Variants in PDK1 observed in about 807,000 individuals in gnomAD.
PDK1 encodes the protein [Pyruvate dehydrogenase (acetyl-transferring)] kinase isozyme 1, mitochondrial.
In PDK1, 39 loss-of-function variants were observed where a neutral mutation model predicts 54.2. The observed-to-expected ratio is 0.72, with a 90% confidence interval of 0.56 to 0.94. The LOEUF is 0.94. Among genes scored for constraint, PDK1 ranks in the 40% least tolerant of loss-of-function variants. The probability of loss-of-function intolerance (pLI) is 0.00; values close to 1 mark genes in which losing one functional copy is unlikely to be tolerated. For missense variants in PDK1, 552 were observed against 566.0 expected (o/e 0.98, Z 0.25); for synonymous variants, 221 against 207.1 (o/e 1.07, Z -0.58).
chr2:172,593,336 C>T (rs1023009259), intron 10 of PDK1, among the ~76,000 whole-genome samples: 1 of 151,962 alleles, frequency 6.6e-6, no homozygotes, highest in African/African-American at 2.4e-5. Flanking sequence ...ACATAAAACA[C>T]ATGAATGGAC....
the PDK1 span, among the ~76,000 whole-genome samples, chr2:172,715,110 T>C: frequency 1.3e-5 from 2 of 152,218 alleles, no homozygotes; most frequent in East Asian, 1.9e-4. Flanking sequence ...CAGGAATAAC[T>C]GGGGGAATTT....
the PDK1 span, among the ~76,000 whole-genome samples, chr2:172,649,286 G>A: frequency 1.3e-5 from 2 of 152,242 alleles, no homozygotes; most frequent in East Asian, 1.9e-4. Flanking sequence ...CTGTTAGAAG[G>A]AAAACTAACA....
chr2:172,637,256 G>A, the PDK1 span, among the ~76,000 whole-genome samples: 5 of 152,092 alleles, frequency 3.3e-5, no homozygotes. Flanking sequence ...TGGCAGTTTG[G>A]TGCTCTGTTC....
At chr2:172,653,821 A>T in the PDK1 span, among the ~76,000 whole-genome samples, 2 of 152,210 alleles carry the variant, frequency 1.3e-5, no homozygotes, top group Admixed American at 6.5e-5. Flanking sequence ...AGAAACTACC[A>T]TCAGAGTGAA....
At chr2:172,649,167 C>T in the PDK1 span, among the ~76,000 whole-genome samples, 5 of 152,174 alleles carry the variant, frequency 3.3e-5, no homozygotes, top group Admixed American at 6.5e-5. Context: ...CAACATCTGC[C>T]GTTCTGCAAT....
the PDK1 span, among the ~76,000 whole-genome samples, chr2:172,668,802 A>G: frequency 6.8e-6 from 1 of 147,454 alleles, no homozygotes; most frequent in African/African-American, 2.5e-5. Context: ...GTATGTGTAT[A>G]TATATACATT....
the PDK1 span, among the ~76,000 whole-genome samples, chr2:172,668,906 TAGAGAGAGAGAGAGAG>T: frequency 3.8e-4 from 49 of 130,638 alleles, no homozygotes; most frequent in Middle Eastern, 7.9e-3. Context: ...TATATATATA[TAGAGAGAGAGAGAGAG>T]AGAGAGAGAG....
At chr2:172,673,897 CA>C in the PDK1 span, among the ~76,000 whole-genome samples, 1 of 152,168 alleles carries the variant, frequency 6.6e-6, no homozygotes, top group Non-Finnish European at 1.5e-5. Context: ...GTGGAAAATC[CA>C]TTTCAGTATA....
At chr2:172,568,160 G>C (rs1243924285) in intron 6 of PDK1, among the ~76,000 whole-genome samples, 2 of 151,630 alleles carry the variant, frequency 1.3e-5, no homozygotes, top group Non-Finnish European at 2.9e-5. Context: ...GGTGAAACCC[G>C]TCTCTACTAA....
the PDK1 span, among the ~76,000 whole-genome samples, chr2:172,695,377 C>T: frequency 2.0e-5 from 3 of 152,134 alleles, no homozygotes; most frequent in African/African-American, 4.8e-5. Context: ...CTGTGTTCTG[C>T]CCTCTTGTCA....
At chr2:172,645,336 T>G in the PDK1 span, among the ~76,000 whole-genome samples, 33 of 127,478 alleles carry the variant, frequency 2.6e-4, no homozygotes, top group Non-Finnish European at 4.9e-4. Flanking sequence ...AGTGGCACGA[T>G]CTCGGCTCAC....
chr2:172,658,611 C>G, the PDK1 span, among the ~76,000 whole-genome samples: 1 of 152,096 alleles, frequency 6.6e-6, no homozygotes, highest in Non-Finnish European at 1.5e-5. Context: ...AACGGACATG[C>G]AAGTAGGAGA....
chr2:172,622,692 T>A, the PDK1 span, among the ~76,000 whole-genome samples: 1 of 148,388 alleles, frequency 6.7e-6, no homozygotes, highest in African/African-American at 2.4e-5. Flanking sequence ...ATGTGAGATA[T>A]GTTTATATCT....
At chr2:172,592,133 A>G (rs1690623506) in intron 9 of PDK1, among the ~76,000 whole-genome samples, 1 of 152,246 alleles carries the variant, frequency 6.6e-6, no homozygotes, top group Non-Finnish European at 1.5e-5. Context: ...ACGGGTTGTC[A>G]GTGGTCTCAG....
chr2:172,711,865 C>CAAAAAAAAAAAAAAAA, the PDK1 span, among the ~76,000 whole-genome samples: 6 of 22,784 alleles, frequency 2.6e-4, no homozygotes, highest in East Asian at 3.7e-3. Flanking sequence ...GAACCTAGCT[C>CAAAAAAAAAAAAAAAA]AAAAAAAAAA....
At chr2:172,591,734 T>G (rs1309412872) in intron 9 of PDK1, among the ~76,000 whole-genome samples, 1 of 152,210 alleles carries the variant, frequency 6.6e-6, no homozygotes, top group African/African-American at 2.4e-5. Context: ...CACTGTTAAC[T>G]TTTAGCAAAC....
chr2:172,710,529 GACA>G, the PDK1 span, among the ~76,000 whole-genome samples: 1 of 151,924 alleles, frequency 6.6e-6, no homozygotes, highest in East Asian at 1.9e-4. Context: ...TTAATGTTTT[GACA>G]ACAATTATTA....
At chr2:172,657,553 C>A in the PDK1 span, among the ~76,000 whole-genome samples, 119,103 of 151,314 alleles carry the variant, frequency 0.79, 47,025 homozygotes, top group African/African-American at 0.81. Context: ...TAGATTTCTT[C>A]CAATTACTGA....
chr2:172,587,163 T>C (rs1690278361), intron 9 of PDK1, among the ~76,000 whole-genome samples: 1 of 152,248 alleles, frequency 6.6e-6, no homozygotes, highest in Non-Finnish European at 1.5e-5. Context: ...GGTGGGTTTT[T>C]GGTCTTGCTG....
Sources: gnomAD v4.1 joint callset for allele counts (sites outside exome capture counted in the v4.1 genomes callset) on GRCh38, gnomAD v4.1.1 for gene constraint, MANE v1.5 for transcripts, NCBI Gene and HGNC (gene_info 2026-07-23, HGNC 2026-07-21) for gene names.